Variants in THOP1 observed in about 807,000 individuals in gnomAD.
THOP1 encodes the protein thimet oligopeptidase 1, also known as thimet oligopeptidase.
THOP1 carries 49 observed loss-of-function variants against 71.8 expected under a neutral mutation model. The observed-to-expected ratio is 0.68, with a 90% confidence interval of 0.54 to 0.87. The LOEUF is 0.87. Among genes scored for constraint, THOP1 ranks in the 40% least tolerant of loss-of-function variants. The probability of loss-of-function intolerance (pLI) is 0.00; values close to 1 mark genes in which losing one functional copy is unlikely to be tolerated. For synonymous variants in THOP1, 426 were observed against 421.5 expected (o/e 1.01, Z -0.13); for missense variants, 843 against 975.6 (o/e 0.86, Z 1.81).
intron 5 of THOP1, among the ~76,000 whole-genome samples, chr19:2,803,766 C>T (rs1051417504): frequency 6.6e-6 from 1 of 152,168 alleles, no homozygotes; most frequent in African/African-American, 2.4e-5. Context: ...GGCGGGGGCT[C>T]TGCCGGCCAC....
At chr19:2,787,430 G>C (rs1343410308) in intron 1 of THOP1, among the ~76,000 whole-genome samples, 1 of 151,662 alleles carries the variant, frequency 6.6e-6, no homozygotes, top group African/African-American at 2.4e-5. Context: ...ATGAACTGAC[G>C]TCCACAAGTT....
intron 2 of THOP1, among the ~76,000 whole-genome samples, chr19:2,793,515 C>A (rs1414117097): frequency 1.3e-5 from 2 of 152,040 alleles, no homozygotes; most frequent in East Asian, 1.9e-4. Context: ...CATAGTGAAA[C>A]CCCATCTCTA....
In THOP1 at chr19:2,802,443, ACACCTCCCGACACCCC is replaced by A. The variant is rs1916173467; in HGVS notation, c.590-2558_590-2543del. Among the ~76,000 whole-genome samples, 19 of 29,732 alleles carry A rather than the reference ACACCTCCCGACACCCC, an allele frequency of 6.4e-4. No homozygotes were observed. The South Asian group carries it at 0.011, about 17-fold the overall frequency. 19.5% of individuals were successfully genotyped at this position (29,732 alleles called of 152,430 possible). A position where few individuals can be genotyped will look rare whatever the true frequency, so the allele number is the denominator to read the frequency against. ...CCGACACCCCCACCTCCCAACACCAACACCTCCCGACACCCCCACCTCCCGACACCAACACCTCCCG... is the reference window on the plus strand; with the variant it reads ...CCGACACCCCCACCTCCCAACACCAACACCTCCCGACACCAACACCTCCCG... On this transcript the variant is annotated intron_variant, in intron 5 of 12. Coordinates refer to ENST00000307741, the MANE Select transcript of THOP1 (RefSeq NM_003249.5).
Position 2,790,501 on chromosome 19 carries a change from A to G in THOP1, c.97A>G (p.Ile33Val), listed in dbSNP as rs764802564. 6.2e-7 allele frequency: 1 copy of G among 1,606,780 alleles called. No individual in the cohort carries two copies. Among genetic ancestry groups the G allele is most frequent in the Non-Finnish European group, 8.5e-7 (1 of 1,176,714 alleles). Residue 33 changes from isoleucine to valine, a missense_variant, in exon 2 of 13, where the codon ATA becomes GTA. Ile to Val is a conservative substitution (Grantham distance 29). Transcript: ENST00000307741. ...GCGGTGGGACCTGAGTGCCCAGCAG[A>G]TAGAGGAGCGCACCAGGGAGCTCAT... is the stretch of plus-strand genomic sequence containing the variant. ...DLRWDLSAQQ[I>V]EERTRELIEQ... is the part of the protein sequence containing the mutation.
At position 2,805,116 on chromosome 19, in the gene THOP1, A is replaced by G; in HGVS notation, c.690A>G (p.Lys230=). ...CCCATTACTTCCCCCTCCTGAAGAA[A>G]TGCCACGTGCCTGAGACCAGGAGGA... is the stretch of plus-strand genomic sequence containing the variant. ...KYPHYFPLLK[K]CHVPETRRKV... is the part of the protein sequence containing the mutation. The change falls in exon 6 of 13, where the codon AAA becomes AAG. Residue 230 remains lysine, a synonymous_variant. Transcript: ENST00000307741. This position sits in a 1 kb window ranked among gnomAD's most constrained non-coding sequence, Gnocchi z 6.6. The G allele has an allele frequency of 2.5e-6, 4 of 1,612,904 alleles. No individual in the cohort carries two copies. Among genetic ancestry groups the G allele is most frequent in the Non-Finnish European group, 3.4e-6 (4 of 1,179,862 alleles).
At chr19:2,794,459 G>T (rs1915962619) in intron 2 of THOP1, among the ~76,000 whole-genome samples, 1 of 152,246 alleles carries the variant, frequency 6.6e-6, no homozygotes, top group African/African-American at 2.4e-5. Context: ...GTCAGCCTCT[G>T]TTTCGTCGTA....
Position 2,792,500 on chromosome 19 carries a change from C to T in THOP1, c.229+1867C>T, listed in dbSNP as rs151231314. Among the ~76,000 whole-genome samples, 595 of 143,238 alleles carry T rather than the reference C, an allele frequency of 4.2e-3. 5 individuals carry two copies. Among genetic ancestry groups the T allele is most frequent in the African/African-American group, 0.014 (560 of 38,980 alleles). 94.0% of individuals were successfully genotyped at this position (143,238 alleles called of 152,430 possible). A position where few individuals can be genotyped will look rare whatever the true frequency, so the allele number is the denominator to read the frequency against. ...CTAAACACACGGAGCCTCCTCCAGA[C>T]GTGCGGAGCCTCCTCCAAACATACC... On this transcript the variant is annotated intron_variant, in intron 2 of 12. Transcript: ENST00000307741.
intron 1 of THOP1, 35 bp downstream of exon 1, chr19:2,785,713 C>T: frequency 7.2e-7 from 1 of 1,398,492 alleles, no homozygotes; most frequent in Non-Finnish European, 9.4e-7. Context: ...CCCGGGCGTC[C>T]CCTGCACCCT....
At chr19:2,795,065 C>T (rs1243756983) in intron 3 of THOP1, among the ~76,000 whole-genome samples, 153 bp downstream of exon 3, 1 of 152,224 alleles carries the variant, frequency 6.6e-6, no homozygotes, top group African/African-American at 2.4e-5. Context: ...CTCAAGTGAT[C>T]CGCCCACCTC....
At chr19:2,798,940 C>G (rs745849818) in intron 4 of THOP1, among the ~76,000 whole-genome samples, 20 of 152,232 alleles carry the variant, frequency 1.3e-4, no homozygotes, top group Non-Finnish European at 2.8e-4. Flanking sequence ...CCAGAGGGAC[C>G]ACTCAAGATT....
At position 2,807,707 on chromosome 19, in the gene THOP1, G is replaced by A; in HGVS notation, c.1152G>A (p.Glu384=). Residue 384 remains glutamate, a synonymous_variant, in exon 8 of 13, where the codon GAG becomes GAA. Coordinates refer to ENST00000307741, the MANE Select transcript of THOP1 (RefSeq NM_003249.5). The part of the protein sequence containing the change: ...QELLGLAFHH[E]EGASAWHEDV... The stretch of plus-strand genomic sequence containing the variant: ...TCCTGGGGCTGGCCTTCCACCACGA[G>A]GAGGGCGCCAGTGCCTGGCATGAGG... The A allele has an allele frequency of 6.2e-7, 1 of 1,603,362 alleles. No individual in the cohort carries two copies. Among genetic ancestry groups the A allele is most frequent in the Non-Finnish European group, 8.5e-7 (1 of 1,173,066 alleles).
chr19:2,810,111 G>A, intron 9 of THOP1, 193 bp from the exon 10 acceptor site: 1 of 670,712 alleles, frequency 1.5e-6, no homozygotes. Flanking sequence ...GTGTCCTGCT[G>A]CCACCGGCAG....
chr19:2,813,072 C>T (rs1916521991), intron 12 of THOP1, 43 bp from the exon 13 acceptor site: 2 of 1,565,090 alleles, frequency 1.3e-6, no homozygotes, highest in African/African-American at 1.4e-5. Context: ...CTGCCTTCCT[C>T]CCTGGGTCCC....
intron 2 of THOP1, among the ~76,000 whole-genome samples, chr19:2,793,100 G>A (rs765885643): frequency 1.3e-5 from 2 of 150,274 alleles, no homozygotes; most frequent in Non-Finnish European, 3.0e-5. Flanking sequence ...ACTTGAACCC[G>A]GGAGGCGGAG....
chr19:2,807,130 C>G (rs1247603978), intron 7 of THOP1, 78 bp downstream of exon 7: 25 of 1,472,886 alleles, frequency 1.7e-5, no homozygotes, highest in Non-Finnish European at 2.2e-5. Context: ...GTCGGTGCTA[C>G]CCCTAGAGCC....
At position 2,805,727 on chromosome 19, in the gene THOP1, C is replaced by T. The variant is rs184607530; in HGVS notation, c.750+551C>T. On this transcript the variant is annotated intron_variant, in intron 6 of 12. Coordinates refer to ENST00000307741, the MANE Select transcript of THOP1 (RefSeq NM_003249.5). The surrounding 1 kb of genome is among the most constrained non-coding windows in gnomAD (Gnocchi z 6.6). ...AGGCTCTAGGAGTGGGCCTCTTGGT[C>T]CCCTGACGACACCAAGTTGGTGCTT... is the stretch of plus-strand genomic sequence containing the variant. Among the ~76,000 whole-genome samples the T allele has an allele frequency of 6.9e-4, 105 of 152,256 alleles. 3 individuals carry two copies. In the East Asian group the frequency reaches 0.016, roughly 24 times the overall value.
intron 9 of THOP1, chr19:2,809,679 G>C (rs1281955929): frequency 6.5e-6 from 1 of 153,646 alleles, no homozygotes; most frequent in Non-Finnish European, 1.4e-5. Context: ...TGCTCACACA[G>C]GTGCCCACGC....
chr19:2,792,629 AATTATT>A (rs1336863354), intron 2 of THOP1, among the ~76,000 whole-genome samples: 1 of 151,710 alleles, frequency 6.6e-6, no homozygotes, highest in Non-Finnish European at 1.5e-5. Context: ...TTTTAAAAAA[AATTATT>A]ATTATTAGGG....
At position 2,785,531 on chromosome 19, in the gene THOP1, C is replaced by T. The variant is rs1015963145; in HGVS notation, c.-132C>T. 4.8e-5 allele frequency: 50 copies of T among 1,050,640 alleles called. No homozygotes were observed. Among genetic ancestry groups the T allele is most frequent in the Admixed American group, 8.3e-5 (2 of 24,056 alleles). The allele number at this position is 1,050,640 out of a possible 1,614,324, so 65.1% of individuals were successfully genotyped here. On this transcript the variant is annotated 5_prime_UTR_variant, in exon 1 of 13. Coordinates refer to ENST00000307741, the MANE Select transcript of THOP1 (RefSeq NM_003249.5). Reference sequence around the variant, plus strand: ...ATGCCCCGGGAGCGCGGGCGGCGGGCCCCTTGGTCCTCAGGCGGCCGTGGC... The same window carrying T: ...ATGCCCCGGGAGCGCGGGCGGCGGGTCCCTTGGTCCTCAGGCGGCCGTGGC...
Sources: gnomAD v4.1 joint callset for allele counts (sites outside exome capture counted in the v4.1 genomes callset) on GRCh38, gnomAD v4.1.1 for gene constraint, Gnocchi (gnomAD v3.1) non-coding constraint, MANE v1.5 for transcripts, NCBI Gene and HGNC (gene_info 2026-07-23, HGNC 2026-07-21) for gene names.